The following VAT1L variants were observed in gnomAD, a reference collection of about 807,000 sequenced individuals.
VAT1L encodes vesicle amine transport 1 like.
In VAT1L, 34 loss-of-function variants were observed where a neutral mutation model predicts 44.1. The ratio of observed to expected loss-of-function variants is 0.77; its 90% confidence interval spans 0.59 to 1.03. VAT1L has a LOEUF of 1.03. Ranked by LOEUF, VAT1L falls within the 50% of genes least tolerant of loss-of-function variation. The probability of loss-of-function intolerance (pLI) is 0.00; values close to 1 mark genes in which losing one functional copy is unlikely to be tolerated. For missense variants in VAT1L, 615 were observed against 538.8 expected, an observed-to-expected ratio of 1.14 and a Z score of -1.40; for synonymous variants, 253 against 202.2, an observed-to-expected ratio of 1.25 and a Z score of -2.13.
At chr16:77,941,024 G>A (rs2017876416) in intron 7 of VAT1L, among the ~76,000 whole-genome samples, 1 of 152,166 alleles carries the variant, frequency 6.6e-6, no homozygotes, top group Admixed American at 6.5e-5. Context: ...GAATGTATTA[G>A]AATTGTTTCT....
chr16:77,888,067 T>C (rs1409942822), intron 7 of VAT1L, among the ~76,000 whole-genome samples: 1 of 152,166 alleles, frequency 6.6e-6, no homozygotes, highest in African/African-American at 2.4e-5. Context: ...GAACACTCCT[T>C]TTCCCAATTT....
chr16:77,961,027 C>A (rs536029373), intron 7 of VAT1L, among the ~76,000 whole-genome samples: 1 of 152,232 alleles, frequency 6.6e-6, no homozygotes, highest in African/African-American at 2.4e-5. Flanking sequence ...AGGAACTCTG[C>A]ATTAATGAGT....
intron 7 of VAT1L, among the ~76,000 whole-genome samples, chr16:77,905,200 T>C (rs1054167745): frequency 2.6e-5 from 4 of 152,208 alleles, no homozygotes; most frequent in Non-Finnish European, 2.9e-5. Context: ...ATGTTTTAGA[T>C]GCACCAAATC....
chr16:77,933,056 G>C (rs1001113766), intron 7 of VAT1L, among the ~76,000 whole-genome samples: 3 of 152,136 alleles, frequency 2.0e-5, no homozygotes, highest in African/African-American at 4.8e-5. Context: ...TGAGTGTTTA[G>C]GAAAAAGAGA....
chr16:77,808,556 A>T (rs986418262), intron 1 of VAT1L, among the ~76,000 whole-genome samples: 17 of 151,876 alleles, frequency 1.1e-4, no homozygotes, highest in African/African-American at 4.1e-4. Context: ...GCTCTAGAAG[A>T]CCACTTGTCA....
At chr16:77,822,263 T>C (rs1426964527) in intron 2 of VAT1L, among the ~76,000 whole-genome samples, 2 of 152,100 alleles carry the variant, frequency 1.3e-5, no homozygotes, top group African/African-American at 4.8e-5. Context: ...GCCTCCCAAA[T>C]AGCTGGGATT....
chr16:77,900,486 G>A (rs986863901), intron 7 of VAT1L, among the ~76,000 whole-genome samples: 1 of 152,024 alleles, frequency 6.6e-6, no homozygotes, highest in East Asian at 1.9e-4. Context: ...GGTTAGGTCA[G>A]CAGTTTGAGA....
At chr16:77,956,451 G>C (rs1204723922) in intron 7 of VAT1L, among the ~76,000 whole-genome samples, 3 of 152,150 alleles carry the variant, frequency 2.0e-5, no homozygotes, top group Non-Finnish European at 2.9e-5. Flanking sequence ...GCTTTGCTCG[G>C]TGACAGCACC....
intron 2 of VAT1L, among the ~76,000 whole-genome samples, chr16:77,822,775 G>A (rs2016473601): frequency 6.6e-6 from 1 of 152,132 alleles, no homozygotes; most frequent in Non-Finnish European, 1.5e-5. Flanking sequence ...CTCAAAGCGA[G>A]CAGACCAGAC....
At chr16:77,940,392 G>C (rs2017866310) in intron 7 of VAT1L, among the ~76,000 whole-genome samples, 1 of 120,312 alleles carries the variant, frequency 8.3e-6, no homozygotes, top group African/African-American at 3.2e-5. Flanking sequence ...CTTCCAGGTT[G>C]AATTGCAGCG....
At chr16:77,950,404 A>T (rs2018027549) in intron 7 of VAT1L, among the ~76,000 whole-genome samples, 1 of 140,328 alleles carries the variant, frequency 7.1e-6, no homozygotes, top group Non-Finnish European at 1.5e-5. Flanking sequence ...GCAAGATTCC[A>T]TCTAAACACA....
intron 7 of VAT1L, among the ~76,000 whole-genome samples, chr16:77,929,190 A>G (rs145537634): frequency 6.6e-6 from 1 of 152,238 alleles, no homozygotes; most frequent in African/African-American, 2.4e-5. Flanking sequence ...CTCTGGATTG[A>G]TGGAACGCGA....
chr16:77,968,244 G>A (rs2018243779), intron 7 of VAT1L, among the ~76,000 whole-genome samples: 1 of 152,076 alleles, frequency 6.6e-6, no homozygotes, highest in Admixed American at 6.5e-5. Flanking sequence ...TCCTGATCCA[G>A]ACCCCAAGAC....
At chr16:77,873,041 G>A (rs914269541) in intron 4 of VAT1L, among the ~76,000 whole-genome samples, 1 of 152,222 alleles carries the variant, frequency 6.6e-6, no homozygotes, top group African/African-American at 2.4e-5. Context: ...GACTCTGAAT[G>A]TATGTGTATT....
At chr16:77,857,834 CTCT>C (rs2016876567) in intron 3 of VAT1L, among the ~76,000 whole-genome samples, 1 of 127,040 alleles carries the variant, frequency 7.9e-6, no homozygotes, top group African/African-American at 3.1e-5. Flanking sequence ...TATTATCTCT[CTCT>C]TTTTTTTTTT....
intron 2 of VAT1L, among the ~76,000 whole-genome samples, chr16:77,819,557 A>G (rs1417176302): frequency 6.6e-6 from 1 of 151,806 alleles, no homozygotes; most frequent in Non-Finnish European, 1.5e-5. Context: ...AATTTTTTGT[A>G]TTTTTAGTAA....
At chr16:77,821,517 C>G (rs985050933) in intron 2 of VAT1L, among the ~76,000 whole-genome samples, 1 of 151,978 alleles carries the variant, frequency 6.6e-6, no homozygotes, top group East Asian at 1.9e-4. Context: ...GATCTCAAAC[C>G]CCTGACCTCA....
chr16:77,851,984 T>C (rs765771675), intron 3 of VAT1L, among the ~76,000 whole-genome samples: 2 of 152,144 alleles, frequency 1.3e-5, no homozygotes, highest in East Asian at 1.9e-4. Context: ...GGATCAGAAC[T>C]CAGGTTTTCT....
chr16:77,920,617 A>G (rs953041994), intron 7 of VAT1L, among the ~76,000 whole-genome samples: 6 of 152,334 alleles, frequency 3.9e-5, no homozygotes, highest in African/African-American at 1.4e-4. Flanking sequence ...ATGACATTTC[A>G]GTCCACAGAC....
Sources: allele counts gnomAD v4.1 joint callset (sites outside exome capture counted in the v4.1 genomes callset), GRCh38; gene constraint gnomAD v4.1.1; transcripts MANE v1.5; gene names NCBI Gene and HGNC (gene_info 2026-07-23, HGNC 2026-07-21).